The following DACH1 variants were observed in gnomAD, a reference collection of about 807,000 sequenced individuals.
DACH1 encodes dachshund homolog 1.
A neutral mutation model predicts 54.2 loss-of-function variants in DACH1; 12 were observed. That is an observed-to-expected ratio of 0.22 (90% CI 0.14 to 0.36). DACH1 has a LOEUF of 0.36. DACH1 is among the 10% of genes least tolerant of loss of function. DACH1 has a pLI of 1.00. For synonymous variants in DACH1, 386 were observed against 366.2 expected, an observed-to-expected ratio of 1.05 and a Z score of -0.62; for missense variants, 805 against 929.8, an observed-to-expected ratio of 0.87 and a Z score of 1.75.
At chr13:71,795,271 G>C (rs1035888096) in intron 1 of DACH1, among the ~76,000 whole-genome samples, 1 of 152,142 alleles carries the variant, frequency 6.6e-6, no homozygotes, top group African/African-American at 2.4e-5. Flanking sequence ...AAAGATAGGA[G>C]TAAATTCACA....
chr13:71,617,160 T>C (rs1294992060), intron 3 of DACH1, among the ~76,000 whole-genome samples: 1 of 152,098 alleles, frequency 6.6e-6, no homozygotes, highest in Admixed American at 6.6e-5. Flanking sequence ...TGAGCCACTC[T>C]GCCCAGCAGG....
chr13:71,789,862 C>T lies in DACH1; in HGVS notation c.848+76060G>A, dbSNP rs78135449. On this transcript the variant is annotated intron_variant, in intron 1 of 10. Coordinates refer to ENST00000613252, the MANE Select transcript of DACH1 (RefSeq NM_080759.6). ...TAGTATTCATCTGTAACAACAACAA[C>T]AAAAAATGTGTTTCTCAGGGTCTGT... Among the ~76,000 whole-genome samples the T allele has an allele frequency of 7.5e-3, 1,136 of 152,136 alleles. 20 individuals carry two copies. Among genetic ancestry groups the T allele is most frequent in the African/African-American group, 0.026 (1,076 of 41,526 alleles).
intron 1 of DACH1, among the ~76,000 whole-genome samples, chr13:71,778,071 GACAGAGTGAGACCCTGTCT>G (rs1886138233): frequency 2.0e-5 from 3 of 150,552 alleles, no homozygotes; most frequent in Non-Finnish European, 4.4e-5. Context: ...CAGCTTAGGC[GACAGAGTGAGACCCTGTCT>G]ACAATAAATA....
chr13:71,803,473 G>A (rs1887368630), intron 1 of DACH1, among the ~76,000 whole-genome samples: 1 of 151,972 alleles, frequency 6.6e-6, no homozygotes, highest in South Asian at 2.1e-4. Context: ...GTTTATATGC[G>A]ACCAAGTTCA....
At chr13:71,532,503 T>C (rs1395166428) in intron 6 of DACH1, among the ~76,000 whole-genome samples, 1 of 151,930 alleles carries the variant, frequency 6.6e-6, no homozygotes, top group Non-Finnish European at 1.5e-5. Flanking sequence ...AAAATATTTA[T>C]GAAAATAAAA....
intron 10 of DACH1, among the ~76,000 whole-genome samples, chr13:71,462,237 G>A (rs529539758): frequency 6.6e-6 from 1 of 151,830 alleles, no homozygotes; most frequent in Non-Finnish European, 1.5e-5. Context: ...CATATTAGGA[G>A]AAATTTGCCA....
At chr13:71,690,066 C>T (rs1881394970) in intron 1 of DACH1, among the ~76,000 whole-genome samples, 1 of 151,948 alleles carries the variant, frequency 6.6e-6, no homozygotes, top group Admixed American at 6.6e-5. Context: ...TATATTCTTG[C>T]CTCAACTGGA....
chr13:71,645,657 CG>C (rs1373730970), intron 2 of DACH1, among the ~76,000 whole-genome samples: 7 of 152,090 alleles, frequency 4.6e-5, no homozygotes, highest in Admixed American at 3.9e-4. Context: ...ACAGTAACTC[CG>C]ACTAGTGTTT....
intron 2 of DACH1, among the ~76,000 whole-genome samples, chr13:71,636,549 A>AAATAATAATAATAAT (rs368128838): frequency 6.8e-5 from 10 of 146,910 alleles, no homozygotes; most frequent in African/African-American, 2.5e-4. Flanking sequence ...CACAAAGTAA[A>AAATAATAATAATAAT]AATAATAATA....
chr13:71,766,781 T>C (rs376039457), intron 1 of DACH1, among the ~76,000 whole-genome samples: 1 of 152,172 alleles, frequency 6.6e-6, no homozygotes, highest in East Asian at 1.9e-4. Flanking sequence ...AAAAAAACAA[T>C]TTCAATACAT....
intron 2 of DACH1, among the ~76,000 whole-genome samples, chr13:71,679,380 T>A (rs907328388): frequency 2.0e-5 from 3 of 152,186 alleles, no homozygotes; most frequent in Admixed American, 2.0e-4. Context: ...ATTTACATTT[T>A]CATGGTATCA....
At chr13:71,847,907 T>G (rs943359805) in intron 1 of DACH1, among the ~76,000 whole-genome samples, 2 of 152,186 alleles carry the variant, frequency 1.3e-5, no homozygotes, top group Non-Finnish European at 2.9e-5. Flanking sequence ...TTTTGCTAAA[T>G]GGTTGAATGC....
At chr13:71,492,683 CTT>C (rs879568902) in intron 6 of DACH1, among the ~76,000 whole-genome samples, 1 of 144,644 alleles carries the variant, frequency 6.9e-6, no homozygotes, top group Non-Finnish European at 1.5e-5. Flanking sequence ...CATTTTGTCA[CTT>C]TTTTTTTTTT....
In DACH1 at chr13:71,485,915, T is replaced by G. The variant is rs116851998; in HGVS notation, c.1722+3082A>C. ...TTTCTATAACACTTAAATGCAGGAA[T>G]TCAGTATAGCTCAAATAGTTAACAA... On this transcript the variant is annotated intron_variant, in intron 7 of 10. Transcript: ENST00000613252. 1.3e-3 allele frequency among the ~76,000 whole-genome samples: 198 copies of G among 151,868 alleles called. 2 individuals carry two copies. The East Asian group carries it at 0.031, about 24-fold the overall frequency.
At chr13:71,705,967 A>G (rs1035852625) in intron 1 of DACH1, among the ~76,000 whole-genome samples, 6 of 152,006 alleles carry the variant, frequency 3.9e-5, no homozygotes, top group Non-Finnish European at 8.8e-5. Flanking sequence ...CTTGTACAAT[A>G]GCATATATTT....
intron 1 of DACH1, among the ~76,000 whole-genome samples, chr13:71,741,366 T>C (rs1465638776): frequency 6.6e-6 from 1 of 152,214 alleles, no homozygotes; most frequent in Non-Finnish European, 1.5e-5. Context: ...CATAAAAACA[T>C]TGATCAAACA....
At chr13:71,545,476 A>G (rs540599041) in intron 6 of DACH1, among the ~76,000 whole-genome samples, 1 of 151,192 alleles carries the variant, frequency 6.6e-6, no homozygotes, top group African/African-American at 2.4e-5. Flanking sequence ...AGTATCTCAT[A>G]GTTATCACGA....
At chr13:71,544,970 G>T (rs1467489234) in intron 6 of DACH1, among the ~76,000 whole-genome samples, 1 of 151,994 alleles carries the variant, frequency 6.6e-6, no homozygotes, top group Admixed American at 6.6e-5. Context: ...CTAGATTACT[G>T]CATCATCCTC....
intron 2 of DACH1, among the ~76,000 whole-genome samples, chr13:71,666,215 C>G (rs925527824): frequency 1.3e-5 from 2 of 152,056 alleles, no homozygotes; most frequent in Non-Finnish European, 2.9e-5. Flanking sequence ...ATGTAACTGA[C>G]AAGTTGTTTT....
Sources: allele counts gnomAD v4.1 joint callset (sites outside exome capture counted in the v4.1 genomes callset), GRCh38; gene constraint gnomAD v4.1.1; transcripts MANE v1.5; gene names NCBI Gene and HGNC (gene_info 2026-07-23, HGNC 2026-07-21).